MARCHF1: variants seen among roughly 807,000 people sequenced by gnomAD.
MARCHF1 encodes the protein E3 ubiquitin-protein ligase MARCHF1.
Under a neutral mutation model 54.2 loss-of-function variants are expected in MARCHF1, and 40 were observed. The ratio of observed to expected loss-of-function variants is 0.74; its 90% CI spans 0.57 to 0.96. The LOEUF is 0.96. Among genes scored for constraint, MARCHF1 ranks in the 40% least tolerant of loss-of-function variants. MARCHF1 has a pLI of 0.00. For synonymous variants in MARCHF1, 236 were observed against 236.3 expected, an observed-to-expected ratio of 1.00 and a Z score of 0.01; for missense variants, 586 against 656.5, an observed-to-expected ratio of 0.89 and a Z score of 1.17.
At chr4:164,130,458 A>C (rs1756277886) in intron 1 of MARCHF1, among the ~76,000 whole-genome samples, 1 of 152,106 alleles carries the variant, frequency 6.6e-6, no homozygotes, top group Non-Finnish European at 1.5e-5. Flanking sequence ...TAACAATTTC[A>C]TTTCATTTTA....
chr4:163,989,305 G>A (rs1296126393), intron 2 of MARCHF1, among the ~76,000 whole-genome samples: 1 of 152,028 alleles, frequency 6.6e-6, no homozygotes, highest in Admixed American at 6.6e-5. Context: ...GAGAGAGAGA[G>A]AGAGAGAGAA....
chr4:164,289,586 A>G (rs1437640673), intron 1 of MARCHF1, among the ~76,000 whole-genome samples: 2 of 6,126 alleles, frequency 3.3e-4, no homozygotes, highest in South Asian at 0.016. Flanking sequence ...ACTTAGATGG[A>G]AAAAAAAAAA....
intron 7 of MARCHF1, among the ~76,000 whole-genome samples, chr4:163,602,980 C>T (rs1741021492): frequency 6.6e-6 from 1 of 151,994 alleles, no homozygotes; most frequent in African/African-American, 2.4e-5. Context: ...CAATTAGAGA[C>T]TCTGAAAAGA....
At chr4:163,556,494 T>C (rs1045243728) in intron 8 of MARCHF1, among the ~76,000 whole-genome samples, 4 of 152,138 alleles carry the variant, frequency 2.6e-5, no homozygotes, top group African/African-American at 9.7e-5. Context: ...TTACATCCTA[T>C]TTGCACTCTT....
chr4:163,607,159 G>A (rs1290469836), intron 7 of MARCHF1, among the ~76,000 whole-genome samples: 2 of 152,138 alleles, frequency 1.3e-5, no homozygotes, highest in Non-Finnish European at 2.9e-5. Context: ...TTTACTGTTC[G>A]TGTGGTTAAC....
At chr4:163,989,455 A>G (rs1383698382) in intron 2 of MARCHF1, among the ~76,000 whole-genome samples, 3 of 152,158 alleles carry the variant, frequency 2.0e-5, no homozygotes, top group African/African-American at 7.2e-5. Context: ...ATAGAGCTCT[A>G]TACTACTCAT....
intron 4 of MARCHF1, among the ~76,000 whole-genome samples, chr4:163,807,243 AT>A (rs1225668400): frequency 1.3e-5 from 2 of 152,200 alleles, no homozygotes; most frequent in African/African-American, 4.8e-5. Flanking sequence ...ACTAAAAAAC[AT>A]TTTAAAAATT....
intron 5 of MARCHF1, among the ~76,000 whole-genome samples, chr4:163,620,619 A>C (rs1188728312): frequency 1.0e-4 from 6 of 59,906 alleles, no homozygotes; most frequent in African/African-American, 3.5e-4. Flanking sequence ...AGAGAGAGAG[A>C]GAGAGAGAGA....
rs865930727 is a variant in MARCHF1, at chr4:163,918,349, G to A, written c.-38-64180C>T. On this transcript the variant is annotated intron_variant, in intron 3 of 9. Coordinates refer to ENST00000514618, the MANE Select transcript of MARCHF1 (RefSeq NM_001394959.1). ...TATGTTTTGTGAATATTTTCTCCCCGTCTGTTGTTTGTCTTCTCATGCTTT... is the reference window on the plus strand; with the variant it reads ...TATGTTTTGTGAATATTTTCTCCCCATCTGTTGTTTGTCTTCTCATGCTTT... Among the ~76,000 whole-genome samples, 45 of 152,112 alleles carry A rather than the reference G, an allele frequency of 3.0e-4. 1 individual carries two copies. The highest frequency in any genetic ancestry group is 4.2e-4 in the South Asian group (2 of 4,816).
intron 3 of MARCHF1, among the ~76,000 whole-genome samples, chr4:163,877,573 T>C (rs1750320678): frequency 6.6e-6 from 1 of 151,982 alleles, no homozygotes; most frequent in Non-Finnish European, 1.5e-5. Context: ...CCCTAATCTC[T>C]TTACTTTCCT....
intron 1 of MARCHF1, among the ~76,000 whole-genome samples, chr4:164,359,305 C>T (rs1730656473): frequency 6.6e-6 from 1 of 152,120 alleles, no homozygotes; most frequent in Admixed American, 6.5e-5. Context: ...TCTCGTTTGC[C>T]ACTGTTTTCA....
At chr4:164,189,741 A>T in intron 1 of MARCHF1, 1 of 1,219,318 alleles carries the variant, frequency 8.2e-7, no homozygotes, top group Non-Finnish European at 1.2e-6. Context: ...AGCTTCTGAT[A>T]ATCAACCAAC....
intron 4 of MARCHF1, among the ~76,000 whole-genome samples, chr4:163,709,985 T>C (rs1436189337): frequency 6.6e-6 from 1 of 152,192 alleles, no homozygotes; most frequent in Non-Finnish European, 1.5e-5. Context: ...AGTTGCCACA[T>C]TTATTATTAA....
chr4:164,294,111 C>CA (rs145217177), intron 1 of MARCHF1, among the ~76,000 whole-genome samples: 3,490 of 152,260 alleles, frequency 0.023, 155 homozygotes, highest in East Asian at 0.16. Flanking sequence ...CCAATTTCTT[C>CA]AGCTTTTGGA....
At chr4:164,020,907 G>A (rs1753648159) in intron 2 of MARCHF1, among the ~76,000 whole-genome samples, 1 of 152,168 alleles carries the variant, frequency 6.6e-6, no homozygotes, top group African/African-American at 2.4e-5. Flanking sequence ...CTCCAGCCTG[G>A]GTGATAAAGA....
intron 4 of MARCHF1, among the ~76,000 whole-genome samples, chr4:163,782,669 C>CAAAAAAAAAAAAAAA (rs779917586): frequency 1.8e-5 from 2 of 108,400 alleles, no homozygotes; most frequent in Non-Finnish European, 1.8e-5. Context: ...ACTCCATCTC[C>CAAAAAAAAAAAAAAA]AAAAAAAAAA....
At chr4:164,057,841 G>C in intron 2 of MARCHF1, among the ~76,000 whole-genome samples, 1 of 152,126 alleles carries the variant, frequency 6.6e-6, no homozygotes, top group East Asian at 1.9e-4. Context: ...GCTGACAAAA[G>C]AGGTAATCAT....
chr4:164,173,055 T>C (rs368789013), intron 1 of MARCHF1, among the ~76,000 whole-genome samples: 38 of 151,888 alleles, frequency 2.5e-4, no homozygotes, highest in East Asian at 1.4e-3. Flanking sequence ...GAGTAAAAAT[T>C]TGTTAAACTA....
At chr4:164,166,780 T>C (rs1028660608) in intron 1 of MARCHF1, among the ~76,000 whole-genome samples, 6 of 151,778 alleles carry the variant, frequency 4.0e-5, no homozygotes, top group African/African-American at 1.4e-4. Context: ...TTAGATGCAA[T>C]AAACAAATTC....
Sources: allele counts gnomAD v4.1 joint callset (sites outside exome capture counted in the v4.1 genomes callset), GRCh38; gene constraint gnomAD v4.1.1; transcripts MANE v1.5; gene names NCBI Gene and HGNC (gene_info 2026-07-23, HGNC 2026-07-21).